RNF103: variants seen among roughly 807,000 people sequenced by gnomAD.
The protein encoded by RNF103 is E3 ubiquitin-protein ligase RNF103.
A neutral mutation model predicts 66.2 loss-of-function variants in RNF103; 23 were observed. The observed-to-expected ratio is 0.35, with a 90% CI of 0.25 to 0.49. The LOEUF is 0.49. RNF103 is among the 20% of genes least tolerant of loss of function. The probability of loss-of-function intolerance (pLI) is 0.98; values close to 1 mark genes in which losing one functional copy is unlikely to be tolerated. For synonymous variants in RNF103, 297 were observed against 289.9 expected (o/e 1.02, Z -0.25); for missense variants, 730 against 814.7 (o/e 0.90, Z 1.27).
rs1474844049 is a variant in RNF103 at position 86,623,664 on chromosome 2, G to A, written c.-778C>T. On this transcript the variant is annotated 5_prime_UTR_variant, in exon 1 of 4. Coordinates refer to ENST00000237455, the MANE Select transcript of RNF103 (RefSeq NM_005667.4). ...TCTGCAGATGGAATCGGTCTCGGAG[G>A]GAAAAAACCAATAATAGGCCCCGAG... 1.3e-5 allele frequency: 15 copies of A among 1,164,962 alleles called. No individual in the cohort carries two copies. Among genetic ancestry groups the A allele is most frequent in the Admixed American group, 7.7e-5 (2 of 25,880 alleles). The allele number at this position is 1,164,962 out of a possible 1,614,324, so 72.2% of individuals were successfully genotyped here.
In RNF103 at chr2:86,604,605, A is replaced by G. The variant is rs774354686; in HGVS notation, c.1296T>C (p.Asp432=). 2.5e-6 allele frequency: 4 copies of G among 1,614,198 alleles called. No homozygotes were observed. In the South Asian group the frequency reaches 4.4e-5, roughly 18 times the overall value. ...STYLGHGLLI[D]YFEKKRRRNN... ...TGCGCCTTCTCTTCTTCTCAAAGTA[A>G]TCAATTAGTAAACCATGACCAAGGT... Residue 432 remains aspartate, a synonymous_variant, in exon 4 of 4, where the codon GAT becomes GAC. Transcript: ENST00000237455.
chr2:86,616,500 A>G (rs2104249897), intron 2 of RNF103: 1 of 982,084 alleles, frequency 1.0e-6, no homozygotes, highest in African/African-American at 1.7e-5. Flanking sequence ...AATATAAGAT[A>G]AAGTGGCTTG....
chr2:86,607,341 A>C (rs186350619), intron 3 of RNF103, among the ~76,000 whole-genome samples: 18 of 152,342 alleles, frequency 1.2e-4, no homozygotes, highest in African/African-American at 4.3e-4. Flanking sequence ...CGTAGGTAGC[A>C]TATGGCTGTA....
rs550410489 is a variant in RNF103 at position 86,616,650 on chromosome 2, T to G, written c.366+3680A>C. Reference sequence around the variant, plus strand: ...TCTTGTCAGCCAAACAGGAAATATATTGATGTAATACTTCAGTAAATATTG... The same window carrying G: ...TCTTGTCAGCCAAACAGGAAATATAGTGATGTAATACTTCAGTAAATATTG... On this transcript the variant is annotated intron_variant, in intron 2 of 3. Transcript: ENST00000237455. The G allele has an allele frequency of 3.0e-6, 3 of 985,208 alleles. No individual in the cohort carries two copies. In the African/African-American group the frequency reaches 5.2e-5, roughly 17 times the overall value. 61.0% of individuals were successfully genotyped at this position (985,208 alleles called of 1,614,324 possible). A position where few individuals can be genotyped will look rare whatever the true frequency, so the allele number is the denominator to read the frequency against.
chr2:86,614,746 A>T, intron 2 of RNF103: 2 of 964,214 alleles, frequency 2.1e-6, no homozygotes, highest in Non-Finnish European at 2.5e-6. Context: ...TGGTCAAATA[A>T]TCAAAGACAA....
At chr2:86,607,311 G>A (rs1678611198) in intron 3 of RNF103, among the ~76,000 whole-genome samples, 1 of 152,218 alleles carries the variant, frequency 6.6e-6, no homozygotes, top group Non-Finnish European at 1.5e-5. Context: ...CATATGATCA[G>A]ATGAAGAGAA....
intron 2 of RNF103, among the ~76,000 whole-genome samples, chr2:86,620,028 A>C (rs1359103712): frequency 6.6e-6 from 1 of 152,212 alleles, no homozygotes; most frequent in Non-Finnish European, 1.5e-5. Context: ...AATAAAAGGG[A>C]TATATATGTG....
rs1357371256 is a variant in RNF103 at position 86,623,425 on chromosome 2, G to A, written c.-539C>T. ...TCAGGAGGGCGCGGCGCTCGGCCGG[G>A]CCAGGCCCGGGGCCCAGCGTGTTCT... On this transcript the variant is annotated 5_prime_UTR_variant, in exon 1 of 4. Transcript: ENST00000237455. The A allele has an allele frequency of 2.0e-6, 2 of 981,824 alleles. No individual in the cohort carries two copies. The highest frequency in any genetic ancestry group is 4.7e-5 in the South Asian group (1 of 21,274). 60.8% of individuals were successfully genotyped at this position (981,824 alleles called of 1,614,324 possible).
chr2:86,623,489 G>C lies in RNF103; in HGVS notation c.-603C>G. 4.1e-6 allele frequency: 4 copies of C among 982,944 alleles called. No homozygotes were observed. Among genetic ancestry groups the C allele is most frequent in the Non-Finnish European group, 4.8e-6 (4 of 829,082 alleles). The allele number at this position is 982,944 out of a possible 1,614,324, so 60.9% of individuals were successfully genotyped here. ...CGGCCGCCGCAACGCCGCGCCCGAAGCCCAGGCCCCAGGCCCCGCCGACCG... is the reference window on the plus strand; with the variant it reads ...CGGCCGCCGCAACGCCGCGCCCGAACCCCAGGCCCCAGGCCCCGCCGACCG... On this transcript the variant is annotated 5_prime_UTR_variant, in exon 1 of 4. Coordinates refer to ENST00000237455, the MANE Select transcript of RNF103 (RefSeq NM_005667.4).
intron 2 of RNF103, 128 bp downstream of exon 2, chr2:86,620,202 G>A (rs1333063037): frequency 8.3e-7 from 1 of 1,201,188 alleles, no homozygotes; most frequent in Non-Finnish European, 1.1e-6. Context: ...GCCTCCCTAA[G>A]AGAACTGAGT....
rs997477113 is a variant in RNF103 at position 86,623,853 on chromosome 2, G to A, written c.-967C>T. On this transcript the variant is annotated 5_prime_UTR_variant, in exon 1 of 4. Coordinates refer to ENST00000237455, the MANE Select transcript of RNF103 (RefSeq NM_005667.4). ...TGTATCAGCGGCGGCCGCGGCCGGA[G>A]CCGAGACATAACAACTGACGTCGCG... The A allele has an allele frequency of 1.1e-4, 145 of 1,287,984 alleles. No individual in the cohort carries two copies. Among genetic ancestry groups the A allele is most frequent in the Middle Eastern group, 2.1e-4 (1 of 4,682 alleles). 79.8% of individuals were successfully genotyped at this position (1,287,984 alleles called of 1,614,324 possible). A position where few individuals can be genotyped will look rare whatever the true frequency, so the allele number is the denominator to read the frequency against.
Position 86,604,434 on chromosome 2 carries a change from G to C in RNF103, c.1467C>G (p.Phe489Leu). ...ESDWDEDPDL[F>L]LERLAFPDLW... ...GGTCAGGGAAAGCTAAGCGCTCCAA[G>C]AATAAGTCAGGGTCTTCGTCCCAAT... is the stretch of plus-strand genomic sequence containing the variant. Residue 489 changes from phenylalanine (F) to leucine (L), a missense_variant, in exon 4 of 4, where the codon TTC (phenylalanine) becomes TTG (leucine). By Grantham distance (22) the Phe-to-Leu change is conservative. Around this residue, in one of 3 missense-constraint regions of RNF103, gnomAD observed 355 missense variants for 351.9 expected, o/e 1.01. Transcript: ENST00000237455. 6.2e-7 allele frequency: 1 copy of C among 1,614,224 alleles called. No homozygotes were observed. The highest frequency in any genetic ancestry group is 1.3e-5 in the African/African-American group (1 of 75,052).
chr2:86,623,818 T>C lies in RNF103; in HGVS notation c.-932A>G, dbSNP rs1679338191. On this transcript the variant is annotated 5_prime_UTR_variant, in exon 1 of 4. Transcript: ENST00000237455. ...ACCTCCGGAGACCGCGGCCGTACCC[T>C]CCACAACCGTGTATCAGCGGCGGCC... 5 of 1,287,686 alleles carry C rather than the reference T, an allele frequency of 3.9e-6. No individual in the cohort carries two copies. Among genetic ancestry groups the C allele is most frequent in the African/African-American group, 1.5e-5 (1 of 65,430 alleles). 79.8% of individuals were successfully genotyped at this position (1,287,686 alleles called of 1,614,324 possible). A position where few individuals can be genotyped will look rare whatever the true frequency, so the allele number is the denominator to read the frequency against.
intron 3 of RNF103, 66 bp downstream of exon 3, chr2:86,612,093 T>C (rs1483238933): frequency 1.0e-6 from 1 of 975,500 alleles, no homozygotes; most frequent in East Asian, 2.4e-5. Context: ...CTAGTATCAT[T>C]GCCCTTTTTA....
chr2:86,616,382 A>C, intron 2 of RNF103: 1 of 682,376 alleles, frequency 1.5e-6, no homozygotes, highest in Non-Finnish European at 1.8e-6. Flanking sequence ...TATACATGCA[A>C]ACTATATAAA....
chr2:86,607,393 A>G (rs1678615543), intron 3 of RNF103, among the ~76,000 whole-genome samples: 1 of 152,240 alleles, frequency 6.6e-6, no homozygotes, highest in Non-Finnish European at 1.5e-5. Flanking sequence ...ATTCTGTGAT[A>G]TAGTTTAAGA....
intron 2 of RNF103, 76 bp from the exon 3 acceptor site, chr2:86,612,350 T>C: frequency 2.8e-6 from 2 of 721,098 alleles, no homozygotes; most frequent in Non-Finnish European, 4.6e-6. Flanking sequence ...ATCAACAATA[T>C]AATTTCACTT....
At chr2:86,612,933 A>C (rs1324810103) in intron 2 of RNF103, 1 of 152,186 alleles carries the variant, frequency 6.6e-6, no homozygotes, top group East Asian at 1.9e-4. Context: ...TTTCAAACAC[A>C]ATTAGGATTA....
At chr2:86,620,201 A>C in intron 2 of RNF103, 129 bp downstream of exon 2, 2 of 1,196,558 alleles carry the variant, frequency 1.7e-6, no homozygotes, top group Non-Finnish European at 2.2e-6. Flanking sequence ...AGCCTCCCTA[A>C]GAGAACTGAG....
Sources: allele counts gnomAD v4.1 joint callset (sites outside exome capture counted in the v4.1 genomes callset), GRCh38; gene constraint gnomAD v4.1.1; regional missense constraint gnomAD v4.1.1; transcripts MANE v1.5; gene names NCBI Gene and HGNC (gene_info 2026-07-23, HGNC 2026-07-21).